Variants in NREP observed in about 807,000 individuals in gnomAD.
NREP encodes neuronal regeneration-related protein.
In NREP, 5 loss-of-function variants were observed where a neutral mutation model predicts 8.6. The observed-to-expected ratio is 0.58, with a 90% confidence interval of 0.30 to 1.22. The LOEUF (loss-of-function observed/expected upper bound fraction) is 1.22. NREP is among the 50% of genes most tolerant of loss of function. The probability of loss-of-function intolerance (pLI) is 0.07; values close to 1 mark genes in which losing one functional copy is unlikely to be tolerated. For synonymous variants in NREP, 27 were observed against 28.0 expected (o/e 0.96, Z 0.11); for missense variants, 86 against 82.5 (o/e 1.04, Z -0.17).
At chr5:111,929,946 T>C (rs752430290) in intron 2 of NREP, among the ~76,000 whole-genome samples, 1 of 152,144 alleles carries the variant, frequency 6.6e-6, no homozygotes, top group Non-Finnish European at 1.5e-5. Context: ...TCCTTTCCTT[T>C]ATATTCCCCT....
intron 2 of NREP, among the ~76,000 whole-genome samples, chr5:111,891,604 G>A (rs1381043382): frequency 3.3e-5 from 5 of 152,278 alleles, no homozygotes; most frequent in Admixed American, 3.3e-4. Flanking sequence ...AAGAAAAGAT[G>A]TTTAATTGGC....
chr5:111,806,919 G>C (rs2112910087), intron 2 of NREP, among the ~76,000 whole-genome samples: 1 of 152,138 alleles, frequency 6.6e-6, no homozygotes, highest in East Asian at 1.9e-4. Context: ...TCTGGGAGCA[G>C]AACCCTGAGA....
chr5:111,748,510 G>C (rs1399947992), intron 2 of NREP, among the ~76,000 whole-genome samples: 1 of 152,152 alleles, frequency 6.6e-6, no homozygotes, highest in Admixed American at 6.5e-5. Context: ...TGATCACTGA[G>C]GATGTGCCAG....
At chr5:111,776,858 C>A (rs967655241) in intron 2 of NREP, among the ~76,000 whole-genome samples, 8 of 151,990 alleles carry the variant, frequency 5.3e-5, no homozygotes, top group Non-Finnish European at 1.0e-4. Context: ...ATGGTGTTTA[C>A]AAAGGTATAT....
chr5:111,826,964 C>T (rs1468032465), intron 2 of NREP, among the ~76,000 whole-genome samples: 3 of 152,150 alleles, frequency 2.0e-5, no homozygotes, highest in African/African-American at 7.2e-5. Context: ...GTTGGGTTGC[C>T]TTATTACAAA....
At chr5:111,970,838 A>AAG (rs1756795117) in intron 2 of NREP, among the ~76,000 whole-genome samples, 1 of 151,036 alleles carries the variant, frequency 6.6e-6, no homozygotes, top group South Asian at 2.1e-4. Context: ...AAAAAAAAAA[A>AAG]AAAAAAAAAA....
chr5:111,907,822 T>C (rs1022129279), intron 2 of NREP, among the ~76,000 whole-genome samples: 21 of 152,060 alleles, frequency 1.4e-4, no homozygotes, highest in African/African-American at 4.8e-4. Context: ...CCATGGTGGA[T>C]GAAGTGTTCC....
chr5:111,886,355 C>A (rs1025815997), intron 2 of NREP, among the ~76,000 whole-genome samples: 1 of 151,280 alleles, frequency 6.6e-6, no homozygotes, highest in Non-Finnish European at 1.5e-5. Flanking sequence ...GAAATAGGAA[C>A]ACTTTTACAC....
At chr5:111,866,363 A>C (rs1352724212) in intron 2 of NREP, among the ~76,000 whole-genome samples, 1 of 152,234 alleles carries the variant, frequency 6.6e-6, no homozygotes, top group Admixed American at 6.5e-5. Flanking sequence ...TCTCAAAAGA[A>C]GACATTTATG....
intron 2 of NREP, among the ~76,000 whole-genome samples, chr5:111,812,420 T>G (rs977979208): frequency 6.6e-6 from 1 of 152,188 alleles, no homozygotes; most frequent in African/African-American, 2.4e-5. Context: ...CCAAATATTT[T>G]AAGATTGTAG....
At chr5:111,950,500 G>T (rs1190356925) in intron 2 of NREP, among the ~76,000 whole-genome samples, 4 of 152,128 alleles carry the variant, frequency 2.6e-5, no homozygotes, top group Admixed American at 2.6e-4. Context: ...AAGCCTTCAT[G>T]ACTAAAACAC....
At chr5:111,737,493 C>T (rs990793391) in intron 2 of NREP, among the ~76,000 whole-genome samples, 2 of 152,246 alleles carry the variant, frequency 1.3e-5, no homozygotes, top group Non-Finnish European at 2.9e-5. Flanking sequence ...TTTGTAGGCA[C>T]AGGAAGCAAA....
intron 2 of NREP, chr5:111,739,229 T>C (rs1483975149): frequency 6.6e-6 from 1 of 152,184 alleles, no homozygotes; most frequent in Admixed American, 6.5e-5. Flanking sequence ...TATCCAGTAG[T>C]GCTGTCAACA....
intron 2 of NREP, among the ~76,000 whole-genome samples, chr5:111,855,047 T>C (rs1401775994): frequency 1.3e-5 from 2 of 152,138 alleles, no homozygotes; most frequent in Non-Finnish European, 2.9e-5. Context: ...CAATGCCTCA[T>C]GGTGAATGAG....
chr5:111,771,360 C>T (rs189744323), intron 2 of NREP, among the ~76,000 whole-genome samples: 4 of 152,008 alleles, frequency 2.6e-5, no homozygotes, highest in Admixed American at 6.6e-5. Flanking sequence ...AGATCACACA[C>T]AGTTAATAAA....
At chr5:111,770,656 C>T (rs1751198042) in intron 2 of NREP, among the ~76,000 whole-genome samples, 1 of 150,162 alleles carries the variant, frequency 6.7e-6, no homozygotes. Flanking sequence ...CTACAGCCTC[C>T]CCCTCCCAGG....
chr5:111,911,693 T>C (rs1418751198), intron 2 of NREP, among the ~76,000 whole-genome samples: 1 of 152,092 alleles, frequency 6.6e-6, no homozygotes, highest in African/African-American at 2.4e-5. Flanking sequence ...TCTGACCTCT[T>C]TTTGACTTTG....
In NREP at chr5:111,863,970, C is replaced by A. The variant is rs568464845; in HGVS notation, c.135+111304G>T. Among the ~76,000 whole-genome samples, 28 of 152,200 alleles carry A rather than the reference C, an allele frequency of 1.8e-4. 1 individual carries two copies. The South Asian group carries it at 5.8e-3, about 32-fold the overall frequency. On this transcript the variant is annotated intron_variant, in intron 2 of 3. Transcript: ENST00000395634. ...CTGGGCTCAGAGACAAGCACAGCAT[C>A]ATTACTGCTATATTCTATTTGTCAG... is the stretch of plus-strand genomic sequence containing the variant.
At chr5:111,753,468 CATT>C (rs1750507712) in intron 2 of NREP, among the ~76,000 whole-genome samples, 1 of 150,750 alleles carries the variant, frequency 6.6e-6, no homozygotes, top group Non-Finnish European at 1.5e-5. Flanking sequence ...TGTTGTAAAA[CATT>C]ATCATTTTAG....
Sources: gnomAD v4.1 joint callset for allele counts (sites outside exome capture counted in the v4.1 genomes callset) on GRCh38, gnomAD v4.1.1 for gene constraint, MANE v1.5 for transcripts, NCBI Gene and HGNC (gene_info 2026-07-23, HGNC 2026-07-21) for gene names.